CHAF1A: variants seen among roughly 807,000 people sequenced by gnomAD.
CHAF1A encodes CAF-1 subunit A.
In CHAF1A, 5 loss-of-function variants were observed where a neutral mutation model predicts 93.2. The observed-to-expected ratio is 0.05, with a 90% CI of 0.03 to 0.11. CHAF1A has a LOEUF of 0.11. CHAF1A is among the 10% of genes least tolerant of loss of function. The pLI is 1.00. For synonymous variants in CHAF1A, 504 were observed against 510.3 expected (o/e 0.99, Z 0.17); for missense variants, 1,102 against 1,259.9 (o/e 0.87, Z 1.90).
downstream of CHAF1A, chr19:4,445,513 G>T (rs375328300): frequency 2.5e-6 from 4 of 1,613,800 alleles, no homozygotes; most frequent in Admixed American, 6.7e-5. Flanking sequence ...AGAGCTTCTC[G>T]ATGGCTGACA....
downstream of CHAF1A, chr19:4,447,203 G>A (rs1012731442): frequency 1.0e-4 from 60 of 579,398 alleles, no homozygotes; most frequent in South Asian, 1.1e-3. Flanking sequence ...GGCTAACACC[G>A]CCCAGGACCC....
At chr19:4,410,386 CTT>C (rs71166992) in intron 3 of CHAF1A, among the ~76,000 whole-genome samples, 13 of 137,470 alleles carry the variant, frequency 9.5e-5, no homozygotes, top group Non-Finnish European at 7.7e-5. Context: ...AAAAAAATTA[CTT>C]TTTTTTTTTT....
intron 2 of CHAF1A, 147 bp from the exon 3 acceptor site, chr19:4,408,756 G>C: frequency 9.8e-7 from 1 of 1,025,344 alleles, no homozygotes; most frequent in Non-Finnish European, 1.4e-6. Context: ...TTACAGGCAT[G>C]AGCCACCACA....
chr19:4,446,860 CCTT>C (rs1974542357), downstream of CHAF1A: 1 of 1,614,088 alleles, frequency 6.2e-7, no homozygotes, highest in Non-Finnish European at 8.5e-7. Context: ...GGAAGCAACA[CCTT>C]CTGGAACCCA....
At chr19:4,430,173 G>T (rs1051001036) in intron 10 of CHAF1A, 6 of 330,678 alleles carry the variant, frequency 1.8e-5, no homozygotes, top group Non-Finnish European at 2.8e-5. Flanking sequence ...GATGTTCACA[G>T]CTTTACATTT....
chr19:4,428,616 CT>C (rs769539581), intron 7 of CHAF1A, 47 bp from the exon 8 acceptor site: 8 of 1,535,772 alleles, frequency 5.2e-6, no homozygotes, highest in Non-Finnish European at 7.2e-6. Flanking sequence ...ATGGTGCCTC[CT>C]TTCTCCCATT....
At chr19:4,430,426 C>T (rs1050953783) in intron 10 of CHAF1A, 123 bp from the exon 11 acceptor site, 1 of 642,158 alleles carries the variant, frequency 1.6e-6, no homozygotes, top group Admixed American at 2.4e-5. Context: ...GATCCGCCCA[C>T]CTCAGCCTCC....
chr19:4,434,096 C>A (rs1364866405), intron 13 of CHAF1A, among the ~76,000 whole-genome samples: 1 of 152,000 alleles, frequency 6.6e-6, no homozygotes, highest in Admixed American at 6.6e-5. Flanking sequence ...CCTGTAGTCT[C>A]AGCACTTTGG....
intron 13 of CHAF1A, among the ~76,000 whole-genome samples, chr19:4,441,193 T>A (rs1423060875): frequency 6.6e-6 from 1 of 152,106 alleles, no homozygotes; most frequent in Non-Finnish European, 1.5e-5. Flanking sequence ...GGCAGGTGGC[T>A]GTAATCCCAG....
intron 1 of CHAF1A, among the ~76,000 whole-genome samples, chr19:4,404,528 C>A (rs1973645719): frequency 6.6e-6 from 1 of 152,108 alleles, no homozygotes; most frequent in Admixed American, 6.6e-5. Flanking sequence ...GTCTTTATTT[C>A]TTTGAAGTGG....
chr19:4,409,630 A>G lies in CHAF1A; in HGVS notation c.831A>G (p.Glu277=). The G allele has an allele frequency of 6.2e-7, 1 of 1,614,150 alleles. No individual in the cohort carries two copies. The highest frequency in any genetic ancestry group is 2.2e-5 in the East Asian group (1 of 44,878). Reference sequence around the variant, plus strand: ...GTGAGGTGCTGGAATCTTTCCCCGAAGAAGACTCTGTACTCAGCCATTCGT... The same window carrying G: ...GTGAGGTGCTGGAATCTTTCCCCGAGGAAGACTCTGTACTCAGCCATTCGT... ...PESEVLESFP[E]EDSVLSHSSL... The change falls in exon 3 of 15, where the codon GAA becomes GAG. Residue 277 remains glutamate (E), a synonymous_variant. Transcript: ENST00000301280.
At chr19:4,412,189 T>G (rs745873711) in intron 3 of CHAF1A, among the ~76,000 whole-genome samples, 17 of 152,212 alleles carry the variant, frequency 1.1e-4, no homozygotes, top group Non-Finnish European at 2.5e-4. Flanking sequence ...TCACTTGAAT[T>G]TCTTCCAGGC....
intron 7 of CHAF1A, among the ~76,000 whole-genome samples, chr19:4,425,321 C>T (rs1444634472): frequency 6.6e-6 from 1 of 152,080 alleles, no homozygotes; most frequent in African/African-American, 2.4e-5. Context: ...CGCTATCTCT[C>T]GGCTCACTCT....
chr19:4,421,161 T>C (rs1973984345), intron 4 of CHAF1A, among the ~76,000 whole-genome samples: 1 of 152,206 alleles, frequency 6.6e-6, no homozygotes, highest in African/African-American at 2.4e-5. Flanking sequence ...TTGAACTGCC[T>C]TGTGGGTTTA....
At position 4,433,098 on chromosome 19, in the gene CHAF1A, C is replaced by T. The variant is rs369373821; in HGVS notation, c.2232C>T (p.His744=). The change falls in exon 13 of 15, where the codon CAC becomes CAT. Residue 744 remains histidine (H), a synonymous_variant. Transcript: ENST00000301280. The surrounding 1 kb of genome is among the most constrained non-coding windows in gnomAD (Gnocchi z 5.6). ...TGGCCCAGCTGCTGCCGCTCCTGCA[C>T]GGCAATGTGAACGGGAGCAAGGTCA... is the stretch of plus-strand genomic sequence containing the variant. ...QILAQLLPLL[H]GNVNGSKVII... 4.3e-5 allele frequency: 68 copies of T among 1,595,612 alleles called. No homozygotes were observed. Among genetic ancestry groups the T allele is most frequent in the Non-Finnish European group, 5.4e-5 (63 of 1,166,678 alleles).
chr19:4,429,166 G>T, intron 8 of CHAF1A: 1 of 590,570 alleles, frequency 1.7e-6, no homozygotes, highest in Non-Finnish European at 3.0e-6. Flanking sequence ...CCTCGCTCTT[G>T]CAAATCTCAT....
intron 13 of CHAF1A, among the ~76,000 whole-genome samples, chr19:4,441,855 G>A (rs965418700): frequency 5.3e-5 from 8 of 152,014 alleles, no homozygotes; most frequent in African/African-American, 7.3e-5. Flanking sequence ...TCGAGATCGC[G>A]CCACTGCACT....
chr19:4,448,226 A>C, downstream of CHAF1A: 1 of 1,143,684 alleles, frequency 8.7e-7, no homozygotes, highest in Non-Finnish European at 1.3e-6. Context: ...CTCAGCAGGT[A>C]ATGAGGGGGC....
At chr19:4,420,799 G>A (rs1438563975) in intron 4 of CHAF1A, among the ~76,000 whole-genome samples, 7 of 152,152 alleles carry the variant, frequency 4.6e-5, no homozygotes. Context: ...TGGGCTGGTT[G>A]CAATGGGTCA....
Sources: allele counts gnomAD v4.1 joint callset (sites outside exome capture counted in the v4.1 genomes callset), GRCh38; gene constraint gnomAD v4.1.1; non-coding constraint Gnocchi (gnomAD v3.1); transcripts MANE v1.5; gene names NCBI Gene and HGNC (gene_info 2026-07-23, HGNC 2026-07-21).